The following GSE1 variants were observed in gnomAD, a reference collection of about 807,000 sequenced individuals.
The protein encoded by GSE1 is genetic suppressor element 1.
GSE1 carries 32 observed loss-of-function variants against 112.6 expected under a neutral mutation model. That is an observed-to-expected ratio of 0.28 (90% CI 0.21 to 0.38). The LOEUF is 0.38. Ranked by LOEUF, GSE1 falls within the 10% of genes least tolerant of loss-of-function variation. The pLI is 1.00. For missense variants in GSE1, 2,348 were observed against 1,699.2 expected (o/e 1.38, Z -6.71); for synonymous variants, 1,115 against 735.6 (o/e 1.52, Z -8.35).
intron 2 of GSE1, among the ~76,000 whole-genome samples, chr16:85,440,602 G>C (rs1303142657): frequency 6.6e-6 from 1 of 152,248 alleles, no homozygotes; most frequent in African/African-American, 2.4e-5. Flanking sequence ...GGCCACACCA[G>C]ATTCCCTGGC....
intron 2 of GSE1, among the ~76,000 whole-genome samples, chr16:85,638,065 G>T (rs1204802976): frequency 1.3e-5 from 2 of 152,184 alleles, no homozygotes; most frequent in South Asian, 4.1e-4. Flanking sequence ...CCAGCCGCCT[G>T]CGGCAAGCCT....
At chr16:85,340,565 C>T (rs957484388) in intron 1 of GSE1, among the ~76,000 whole-genome samples, 16 of 152,086 alleles carry the variant, frequency 1.1e-4, no homozygotes, top group African/African-American at 3.6e-4. Flanking sequence ...CGCTTGAACC[C>T]GGGAGGAAGA....
At chr16:85,479,310 G>T (rs1248234229) in intron 2 of GSE1, among the ~76,000 whole-genome samples, 2 of 149,154 alleles carry the variant, frequency 1.3e-5, no homozygotes, top group African/African-American at 5.0e-5. Context: ...AGGATTACAG[G>T]CGTGAGCCAC....
intron 2 of GSE1, among the ~76,000 whole-genome samples, chr16:85,634,939 CG>C (rs1352449968): frequency 3.3e-5 from 5 of 151,258 alleles, no homozygotes; most frequent in Admixed American, 6.6e-5. Context: ...CCTCTGGACT[CG>C]CTGCTGACAG....
rs1274531403 is a variant in GSE1, at chr16:85,635,193, T to C, written c.226+1061T>C. On this transcript the variant is annotated intron_variant, in intron 2 of 15. Transcript: ENST00000253458. ...CTTCCTGGATCCTTTCTGCTGCTGC[T>C]CGTTGGAGAATGGGGGGAGTGTGAG... Among the ~76,000 whole-genome samples, 4 of 152,044 alleles carry C rather than the reference T, an allele frequency of 2.6e-5. No homozygotes were observed. In the East Asian group the frequency reaches 7.7e-4, roughly 29 times the overall value.
intron 1 of GSE1, among the ~76,000 whole-genome samples, chr16:85,591,190 C>G (rs1004190294): frequency 2.0e-5 from 3 of 152,208 alleles, no homozygotes; most frequent in Non-Finnish European, 4.4e-5. Context: ...TTCATCGGAT[C>G]CAGAGAACAG....
chr16:85,517,909 G>A (rs773017312), intron 2 of GSE1, among the ~76,000 whole-genome samples: 5 of 152,240 alleles, frequency 3.3e-5, no homozygotes, highest in Non-Finnish European at 7.3e-5. Context: ...AGTGTGTGGC[G>A]CCTGGCAGGG....
At chr16:85,611,526 C>T, upstream of GSE1, 3 of 974,444 alleles carry the variant, frequency 3.1e-6, no homozygotes, top group Non-Finnish European at 3.7e-6. Context: ...CGGCCAGCGT[C>T]CGCAGGTAGG....
intron 1 of GSE1, among the ~76,000 whole-genome samples, chr16:85,271,578 GC>G (rs1160303338): frequency 1.3e-5 from 2 of 152,222 alleles, no homozygotes; most frequent in Non-Finnish European, 2.9e-5. Flanking sequence ...GGCCTTTGCA[GC>G]CCACGCTGGC....
At chr16:85,469,855 C>T (rs978715961) in intron 2 of GSE1, among the ~76,000 whole-genome samples, 3 of 152,242 alleles carry the variant, frequency 2.0e-5, no homozygotes, top group African/African-American at 7.2e-5. Flanking sequence ...GGATTAGGGA[C>T]ACCACGAGTG....
At chr16:85,613,098 G>GT, upstream of GSE1, 2 of 875,328 alleles carry the variant, frequency 2.3e-6, no homozygotes, top group Non-Finnish European at 3.1e-6. Flanking sequence ...GCGCCCGTCG[G>GT]TGCGCGCGCG....
intron 2 of GSE1, among the ~76,000 whole-genome samples, chr16:85,377,673 A>T (rs1270503393): frequency 2.0e-5 from 3 of 152,206 alleles, no homozygotes; most frequent in Non-Finnish European, 2.9e-5. Flanking sequence ...TGACACCTGG[A>T]GGTCCTGCAG....
At chr16:85,337,458 A>C (rs1597427565) in intron 1 of GSE1, among the ~76,000 whole-genome samples, 1 of 151,546 alleles carries the variant, frequency 6.6e-6, no homozygotes, top group Non-Finnish European at 1.5e-5. Flanking sequence ...GGCGCCCGCC[A>C]CCACGCCCGG....
In GSE1 at chr16:85,549,939, G is replaced by A. The variant is rs200916117; in HGVS notation, c.2465-83975G>A. On this transcript the variant is annotated intron_variant, in intron 2 of 2. Coordinates refer to the GSE1 transcript ENST00000637419. Reference sequence around the variant, plus strand: ...GTAAGTAAGATGACATCGTAGGAAAGCAGGCATTGTGGAGCCCCAGTGCAC... The same window carrying A: ...GTAAGTAAGATGACATCGTAGGAAAACAGGCATTGTGGAGCCCCAGTGCAC... 3.9e-5 allele frequency among the ~76,000 whole-genome samples: 6 copies of A among 152,330 alleles called. No homozygotes were observed. The East Asian group carries it at 7.7e-4, about 20-fold the overall frequency.
chr16:85,651,899 G>A (rs1167620130), intron 3 of GSE1, among the ~76,000 whole-genome samples: 1 of 152,220 alleles, frequency 6.6e-6, no homozygotes, highest in African/African-American at 2.4e-5. Flanking sequence ...GGGGCCAGGG[G>A]CCACTCCGTC....
chr16:85,619,760 C>T (rs1057038384), intron 1 of GSE1, among the ~76,000 whole-genome samples: 3 of 152,078 alleles, frequency 2.0e-5, no homozygotes, highest in African/African-American at 7.3e-5. Context: ...CCAACGTGCT[C>T]CTCCTCCCCA....
At chr16:85,327,010 G>T (rs1183597041) in intron 1 of GSE1, among the ~76,000 whole-genome samples, 3 of 152,244 alleles carry the variant, frequency 2.0e-5, no homozygotes, top group African/African-American at 7.2e-5. Context: ...GGCACCAGGG[G>T]AGGCAGCTCC....
intron 2 of GSE1, among the ~76,000 whole-genome samples, chr16:85,471,818 T>A (rs1437725768): frequency 6.6e-6 from 1 of 152,086 alleles, no homozygotes; most frequent in Non-Finnish European, 1.5e-5. Flanking sequence ...CCCAATGATC[T>A]TCCCGCCTCA....
intron 11 of GSE1, 129 bp from the exon 12 acceptor site, chr16:85,664,886 C>G (rs951878356): frequency 1.5e-6 from 1 of 649,008 alleles, no homozygotes; most frequent in Non-Finnish European, 2.8e-6. Context: ...CCTGCCCCAT[C>G]ACACCTGCTT....
Sources: allele counts gnomAD v4.1 joint callset (sites outside exome capture counted in the v4.1 genomes callset), GRCh38; gene constraint gnomAD v4.1.1; transcripts MANE v1.5; gene names NCBI Gene and HGNC (gene_info 2026-07-23, HGNC 2026-07-21).